NDRG3: variants seen among roughly 807,000 people sequenced by gnomAD.
NDRG3 encodes protein NDRG3.
In NDRG3, 23 loss-of-function variants were observed where a neutral mutation model predicts 57.2. The observed-to-expected ratio is 0.40, with a 90% CI of 0.29 to 0.57. The LOEUF (loss-of-function observed/expected upper bound fraction) is 0.57. Among genes scored for constraint, NDRG3 ranks in the 20% least tolerant of loss-of-function variants. NDRG3 has a pLI of 0.42. For synonymous variants in NDRG3, 132 were observed against 162.6 expected, an observed-to-expected ratio of 0.81 and a Z score of 1.43; for missense variants, 384 against 457.3, an observed-to-expected ratio of 0.84 and a Z score of 1.46.
intron 3 of NDRG3, among the ~76,000 whole-genome samples, chr20:36,698,575 T>TA (rs879720706): frequency 1.3e-3 from 181 of 142,586 alleles, no homozygotes; most frequent in South Asian, 2.0e-3. Context: ...GACCCTTTCT[T>TA]AAAAAAAAAA....
chr20:36,716,590 T>C (rs1048904912), intron 2 of NDRG3, among the ~76,000 whole-genome samples: 2 of 150,334 alleles, frequency 1.3e-5, no homozygotes, highest in Non-Finnish European at 3.0e-5. Context: ...AAACAAAGTA[T>C]ATAACTTTTT....
At chr20:36,655,746 C>A (rs972712543) in intron 15 of NDRG3, among the ~76,000 whole-genome samples, 1 of 152,192 alleles carries the variant, frequency 6.6e-6, no homozygotes, top group Non-Finnish European at 1.5e-5. Context: ...CATGGCCCTG[C>A]AGCTGAATTT....
intron 12 of NDRG3, among the ~76,000 whole-genome samples, chr20:36,661,040 A>G (rs946124782): frequency 7.2e-5 from 11 of 152,156 alleles, no homozygotes; most frequent in Admixed American, 2.0e-4. Context: ...AATGGACTGG[A>G]CCGTGGGTCC....
At chr20:36,659,520 T>G (rs1409337966) in intron 13 of NDRG3, among the ~76,000 whole-genome samples, 1 of 152,202 alleles carries the variant, frequency 6.6e-6, no homozygotes, top group Non-Finnish European at 1.5e-5. Flanking sequence ...TAATTTAAAT[T>G]TATTTTATTC....
At chr20:36,661,802 A>G (rs902560890) in intron 12 of NDRG3, among the ~76,000 whole-genome samples, 1 of 152,208 alleles carries the variant, frequency 6.6e-6, no homozygotes, top group Non-Finnish European at 1.5e-5. Context: ...GGCAGCAAGC[A>G]GTGGTTAAAA....
intron 12 of NDRG3, among the ~76,000 whole-genome samples, chr20:36,664,135 A>T (rs747429014): frequency 7.9e-5 from 12 of 152,154 alleles, no homozygotes; most frequent in Non-Finnish European, 1.8e-4. Context: ...CAAAATCAGA[A>T]TTAATATGAG....
chr20:36,679,252 C>G (rs1981030858), intron 8 of NDRG3, among the ~76,000 whole-genome samples: 1 of 152,190 alleles, frequency 6.6e-6, no homozygotes, highest in South Asian at 2.1e-4. Context: ...AGCTACCATG[C>G]CTGGCCTTGG....
chr20:36,718,139 TATTATC>T (rs1320899751), intron 2 of NDRG3, among the ~76,000 whole-genome samples: 8 of 152,208 alleles, frequency 5.3e-5, no homozygotes, highest in Non-Finnish European at 8.8e-5. Flanking sequence ...TGAGAGGCAT[TATTATC>T]ATTATACCTT....
rs564580140 is a variant in NDRG3, at chr20:36,651,981, C to T, written c.*1539G>A. Reference sequence around the variant, plus strand: ...TAGTTGGTCTCCACAATTCTCTCACCCTCCAGCAATACTCTCTGTCTGGCT... The same window carrying T: ...TAGTTGGTCTCCACAATTCTCTCACTCTCCAGCAATACTCTCTGTCTGGCT... On this transcript the variant is annotated 3_prime_UTR_variant, in exon 16 of 16. Transcript: ENST00000349004. 1 of 152,342 alleles carries T rather than the reference C, an allele frequency of 6.6e-6. No homozygotes were observed. Among genetic ancestry groups the T allele is most frequent in the East Asian group, 1.9e-4 (1 of 5,184 alleles). 9.4% of individuals were successfully genotyped at this position (152,342 alleles called of 1,614,324 possible). A position where few individuals can be genotyped will look rare whatever the true frequency, so the allele number is the denominator to read the frequency against.
intron 13 of NDRG3, among the ~76,000 whole-genome samples, chr20:36,659,126 G>A (rs1175995781): frequency 2.0e-5 from 3 of 151,810 alleles, no homozygotes; most frequent in African/African-American, 7.3e-5. Context: ...TTTTCTTATT[G>A]TTTTTGTAGA....
intron 3 of NDRG3, among the ~76,000 whole-genome samples, chr20:36,701,185 A>G (rs1007916032): frequency 1.3e-5 from 2 of 152,104 alleles, no homozygotes; most frequent in Admixed American, 1.3e-4. Context: ...GGTCCTTGAC[A>G]TACTTCTCTA....
At chr20:36,717,171 A>G (rs1383182483) in intron 2 of NDRG3, among the ~76,000 whole-genome samples, 1 of 152,192 alleles carries the variant, frequency 6.6e-6, no homozygotes, top group Non-Finnish European at 1.5e-5. Flanking sequence ...AAAATTATCC[A>G]CTTCTTGACA....
chr20:36,707,941 G>A (rs1275256), intron 2 of NDRG3, among the ~76,000 whole-genome samples: 2,623 of 152,038 alleles, frequency 0.017, 68 homozygotes, highest in African/African-American at 0.06. Flanking sequence ...AAAATTAGCC[G>A]GGTGTTGTGG....
chr20:36,703,421 C>CCTAT (rs5841239), intron 3 of NDRG3, among the ~76,000 whole-genome samples: 10,020 of 146,932 alleles, frequency 0.068, 473 homozygotes, highest in African/African-American at 0.14. Context: ...TATGTAATAT[C>CCTAT]CTATCTATCT....
intron 1 of NDRG3, among the ~76,000 whole-genome samples, chr20:36,724,193 T>C (rs1422039499): frequency 6.6e-6 from 1 of 152,164 alleles, no homozygotes; most frequent in Non-Finnish European, 1.5e-5. Context: ...AAAGCCCTCT[T>C]ATCATTTATT....
At chr20:36,655,599 A>G (rs1323550477) in intron 15 of NDRG3, among the ~76,000 whole-genome samples, 1 of 152,160 alleles carries the variant, frequency 6.6e-6, no homozygotes, top group Non-Finnish European at 1.5e-5. Context: ...TGGAGTCTCC[A>G]TTTCATTTCT....
At chr20:36,703,391 C>T (rs1365199059) in intron 3 of NDRG3, among the ~76,000 whole-genome samples, 1 of 151,582 alleles carries the variant, frequency 6.6e-6, no homozygotes, top group Non-Finnish European at 1.5e-5. Flanking sequence ...TAGTGAGACC[C>T]TCGTCTCTAA....
chr20:36,727,934 T>C (rs1437691965), intron 1 of NDRG3, among the ~76,000 whole-genome samples: 1 of 152,154 alleles, frequency 6.6e-6, no homozygotes, highest in East Asian at 1.9e-4. Context: ...AGCGGTAGCA[T>C]GCAACTATAG....
chr20:36,682,399 G>A (rs1981380315), intron 7 of NDRG3, 119 bp downstream of exon 7: 1 of 750,078 alleles, frequency 1.3e-6, no homozygotes, highest in Non-Finnish European at 2.2e-6. Flanking sequence ...AAAGCTGACA[G>A]AAGTTACAGA....
Sources: gnomAD v4.1 joint callset for allele counts (sites outside exome capture counted in the v4.1 genomes callset) on GRCh38, gnomAD v4.1.1 for gene constraint, MANE v1.5 for transcripts, NCBI Gene and HGNC (gene_info 2026-07-23, HGNC 2026-07-21) for gene names.